The following COL9A3 variants were observed in gnomAD, a reference collection of about 807,000 sequenced individuals.
COL9A3 encodes collagen alpha-3(IX) chain.
Under a neutral mutation model 110.2 loss-of-function variants are expected in COL9A3, and 82 were observed. The ratio of observed to expected loss-of-function variants is 0.74; its 90% confidence interval spans 0.62 to 0.89. The LOEUF (loss-of-function observed/expected upper bound fraction) is 0.89, where lower values mean the gene tolerates loss of function less well. COL9A3 is among the 40% of genes least tolerant of loss of function. The pLI, the probability that COL9A3 is intolerant of heterozygous loss-of-function variation, is 0.00. For missense variants in COL9A3, 1,066 were observed against 981.3 expected, an observed-to-expected ratio of 1.09 and a Z score of -1.15; for synonymous variants, 494 against 403.8, an observed-to-expected ratio of 1.22 and a Z score of -2.68.
chr20:62,822,819 CCCCCTT>C (rs1469103703), intron 10 of COL9A3, among the ~76,000 whole-genome samples, 187 bp downstream of exon 10: 4 of 148,734 alleles, frequency 2.7e-5, no homozygotes, highest in South Asian at 4.2e-4. Context: ...ACCTCCCCCT[CCCCCTT>C]CCCACCCTCC....
intron 16 of COL9A3, among the ~76,000 whole-genome samples, chr20:62,827,693 C>T (rs552893634): frequency 1.3e-5 from 2 of 152,210 alleles, no homozygotes; most frequent in East Asian, 1.9e-4. Context: ...ACACCTCCCT[C>T]GACTGAGCCC....
intron 5 of COL9A3, among the ~76,000 whole-genome samples, chr20:62,820,664 G>A (rs908256638): frequency 2.0e-5 from 3 of 152,212 alleles, no homozygotes; most frequent in South Asian, 2.1e-4. Flanking sequence ...GGTGCCCAGG[G>A]GTGTGGGGTG....
Position 62,821,813 on chromosome 20 carries a change from G to T in COL9A3, c.423+3G>T. The T allele has an allele frequency of 6.3e-7, 1 of 1,594,646 alleles. No individual in the cohort carries two copies. Among genetic ancestry groups the T allele is most frequent in the South Asian group, 1.1e-5 (1 of 89,980 alleles). ...GGATCGGCCTCCGCGGCCCCCCGGT[G>T]AGTGGCTGTCCCAGAGCCCCTCAGA... On this transcript the variant is annotated splice_donor_region_variant and intron_variant, in intron 8 of 31. Transcript: ENST00000649368.
At chr20:62,827,764 G>A (rs2063565437) in intron 16 of COL9A3, among the ~76,000 whole-genome samples, 159 bp from the exon 17 acceptor site, 1 of 152,222 alleles carries the variant, frequency 6.6e-6, no homozygotes, top group Non-Finnish European at 1.5e-5. Context: ...TCCAAACACA[G>A]TTTTCTCCAC....
chr20:62,837,357 G>A (rs557738264), intron 30 of COL9A3, 92 bp downstream of exon 30: 242 of 1,376,656 alleles, frequency 1.8e-4, no homozygotes, highest in African/African-American at 3.6e-4. Context: ...CCTGCCATGC[G>A]CCCTCAGGGG....
rs770727085 is a variant in COL9A3, at chr20:62,829,490, G to C, written c.1044G>C (p.Lys348Asn). 6 of 1,612,932 alleles carry C rather than the reference G, an allele frequency of 3.7e-6. No individual in the cohort carries two copies. The South Asian group carries it at 5.5e-5, about 15-fold the overall frequency. ...LPGRAGSKGE[K>N]GERGRAGELG... is the part of the protein sequence containing the mutation. ...GACGAGCGGGGTCCAAAGGCGAGAA[G>C]GGAGAACGGGTATGTGGCTGCAGCC... Residue 348 changes from lysine (K) to asparagine (N), a missense_variant, in exon 20 of 32, where the codon AAG becomes AAC. Coordinates refer to ENST00000649368, the MANE Select transcript of COL9A3 (RefSeq NM_001853.4).
chr20:62,836,546 G>C lies in COL9A3; in HGVS notation c.1603+14G>C, dbSNP rs910152. On this transcript the variant is annotated intron_variant, in intron 29 of 31. Coordinates refer to ENST00000649368, the MANE Select transcript of COL9A3 (RefSeq NM_001853.4). The stretch of plus-strand genomic sequence containing the variant: ...GGATGATCAGCGGTAAGTCAGCCAC[G>C]TGCACCGGCTGCAGCGGGGCCCATC... The C allele has an allele frequency of 0.9, 1,446,398 of 1,603,554 alleles. 653,013 individuals carry two copies. Among genetic ancestry groups the C allele is most frequent in the South Asian group, 0.95 (85,758 of 89,866 alleles).
intron 13 of COL9A3, 146 bp from the exon 14 acceptor site, chr20:62,826,058 C>T: frequency 9.2e-7 from 1 of 1,081,766 alleles, no homozygotes. Context: ...AGGCTGGTGC[C>T]CCCTCCCTCT....
In COL9A3 at chr20:62,835,911, C is replaced by T. The variant is rs1357192087; in HGVS notation, c.1369-10C>T. ...CACTTAGTTCAAACACACAACTTTTCTCTTCACAGGGTCCCAGCGGCCTGG... is the reference window on the plus strand; with the variant it reads ...CACTTAGTTCAAACACACAACTTTTTTCTTCACAGGGTCCCAGCGGCCTGG... On this transcript the variant is annotated splice_polypyrimidine_tract_variant and intron_variant, in intron 26 of 31. Transcript: ENST00000649368. The T allele has an allele frequency of 4.3e-6, 7 of 1,614,016 alleles. No homozygotes were observed. The highest frequency in any genetic ancestry group is 5.1e-6 in the Non-Finnish European group (6 of 1,179,956).
chr20:62,825,698 C>T, intron 12 of COL9A3, 119 bp from the exon 13 acceptor site: 1 of 1,024,952 alleles, frequency 9.8e-7, no homozygotes, highest in Non-Finnish European at 1.5e-6. Flanking sequence ...CCTCCAAGGC[C>T]CAGCTGTGAA....
At chr20:62,830,037 A>G (rs1009866351) in intron 22 of COL9A3, among the ~76,000 whole-genome samples, 3 of 152,108 alleles carry the variant, frequency 2.0e-5, no homozygotes, top group African/African-American at 7.2e-5. Flanking sequence ...CAAGCCTTCT[A>G]TGCTGAGCCC....
Position 62,836,300 on chromosome 20 carries a change from T to C in COL9A3, c.1515T>C (p.Gly505=), listed in dbSNP as rs1325554244. Reference sequence around the variant, plus strand: ...CTCTGGGCCTGCAGGGCGTCCCGGGTGTTCCTGGCATCACGGGGAAGCCGG... The same window carrying C: ...CTCTGGGCCTGCAGGGCGTCCCGGGCGTTCCTGGCATCACGGGGAAGCCGG... ...PGPLGLQGVP[G]VPGITGKPGV... The change falls in exon 28 of 32, where the codon GGT becomes GGC. Residue 505 remains glycine, a synonymous_variant. Transcript: ENST00000649368. 6.2e-7 allele frequency: 1 copy of C among 1,613,718 alleles called. No homozygotes were observed. The highest frequency in any genetic ancestry group is 1.3e-5 in the African/African-American group (1 of 74,944).
At chr20:62,836,700 C>A in intron 29 of COL9A3, 168 bp downstream of exon 29, 1 of 745,576 alleles carries the variant, frequency 1.3e-6, no homozygotes, top group Non-Finnish European at 2.1e-6. Context: ...TTGGCGTCTG[C>A]CTGTCCTCTG....
rs373609557 is a variant in COL9A3 at position 62,817,238 on chromosome 20, C to T, written c.78+96C>T. ...CGGGGTGCCCGGCGCAGCCTCGACGCCCCCAGCCCGTGTCGCCGTCGGGGC... is the reference window on the plus strand; with the variant it reads ...CGGGGTGCCCGGCGCAGCCTCGACGTCCCCAGCCCGTGTCGCCGTCGGGGC... On this transcript the variant is annotated intron_variant, in intron 1 of 31. Coordinates refer to ENST00000649368, the MANE Select transcript of COL9A3 (RefSeq NM_001853.4). The T allele has an allele frequency of 0.013, 12,329 of 924,584 alleles. 147 individuals are homozygous for T. The highest frequency in any genetic ancestry group is 0.045 in the South Asian group (1,215 of 26,756). 57.3% of individuals were successfully genotyped at this position (924,584 alleles called of 1,614,324 possible).
chr20:62,824,571 G>A (rs2063535787), intron 11 of COL9A3, 70 bp downstream of exon 11: 1 of 1,473,748 alleles, frequency 6.8e-7, no homozygotes, highest in Admixed American at 2.0e-5. Context: ...CTCCCATGGG[G>A]CTGTGGAGGT....
At chr20:62,829,549 G>A (rs2063579385) in intron 20 of COL9A3, 50 bp downstream of exon 20, 2 of 1,601,802 alleles carry the variant, frequency 1.2e-6, no homozygotes, top group African/African-American at 2.7e-5. Flanking sequence ...GAGGGGCCGG[G>A]AGGCAAGGGG....
At chr20:62,829,123 C>A in intron 19 of COL9A3, 147 bp downstream of exon 19, 1 of 897,618 alleles carries the variant, frequency 1.1e-6, no homozygotes, top group South Asian at 1.6e-5. Context: ...CTGGCACAAC[C>A]CCTGGTGCCC....
At position 62,836,203 on chromosome 20, in the gene COL9A3, A is replaced by G; in HGVS notation, c.1418A>G (p.Glu473Gly). The G allele has an allele frequency of 6.2e-7, 1 of 1,613,372 alleles. No homozygotes were observed. Among genetic ancestry groups the G allele is most frequent in the Non-Finnish European group, 8.5e-7 (1 of 1,179,944 alleles). The change falls in exon 28 of 32, where the codon GAG (glutamate) becomes GGG (glycine). Residue 473 changes from glutamate to glycine, a missense_variant. Coordinates refer to ENST00000649368, the MANE Select transcript of COL9A3 (RefSeq NM_001853.4). ...CCTCTGCAGTCTGGCAGTCGAGGGG[A>G]GCTGGGCCCCAAAGGCACCCAGGGT... ...GPKGESGSRG[E>G]LGPKGTQGPN...
At position 62,817,097 on chromosome 20, in the gene COL9A3, G is replaced by T. The variant is rs1182300173; in HGVS notation, c.33G>T (p.Leu11=). The part of the protein sequence containing the change: MAGPRACAPL[L]LLLLLGELLA... ...GGCCGCGCGCGTGCGCCCCGCTCCT[G>T]CTCCTGCTCCTGCTCGGGGAGCTTC... Residue 11 remains leucine (L), a synonymous_variant, in exon 1 of 32, where the codon CTG becomes CTT. Transcript: ENST00000649368. 1 of 1,402,204 alleles carries T rather than the reference G, an allele frequency of 7.1e-7. No homozygotes were observed. The highest frequency in any genetic ancestry group is 9.3e-7 in the Non-Finnish European group (1 of 1,072,894). 86.9% of individuals were successfully genotyped at this position (1,402,204 alleles called of 1,614,324 possible).
Sources: allele counts gnomAD v4.1 joint callset (sites outside exome capture counted in the v4.1 genomes callset), GRCh38; gene constraint gnomAD v4.1.1; transcripts MANE v1.5; gene names NCBI Gene and HGNC (gene_info 2026-07-23, HGNC 2026-07-21).